The following NR2C1 variants were observed in gnomAD, a reference collection of about 807,000 sequenced individuals.
NR2C1 encodes TR2 nuclear hormone receptor.
A neutral mutation model predicts 74.8 loss-of-function variants in NR2C1; 33 were observed. The ratio of observed to expected loss-of-function variants is 0.44; its 90% CI spans 0.33 to 0.59. The LOEUF (loss-of-function observed/expected upper bound fraction) is 0.59. Ranked by LOEUF, NR2C1 falls within the 20% of genes least tolerant of loss-of-function variation. NR2C1 has a pLI of 0.02. For missense variants in NR2C1, 568 were observed against 715.6 expected (o/e 0.79, Z 2.35); for synonymous variants, 225 against 240.6 (o/e 0.94, Z 0.60).
At chr12:95,049,351 C>A in intron 8 of NR2C1, 118 bp from the exon 9 acceptor site, 1 of 967,614 alleles carries the variant, frequency 1.0e-6, no homozygotes, top group Admixed American at 2.5e-5. Flanking sequence ...TGGTCTAGAA[C>A]TCAAGTGATA....
chr12:95,029,747 C>T (rs1003093119), intron 11 of NR2C1, among the ~76,000 whole-genome samples: 5 of 151,670 alleles, frequency 3.3e-5, no homozygotes, highest in Admixed American at 1.3e-4. Context: ...TTAGTAGAGA[C>T]GGAGTTTCAC....
intron 10 of NR2C1, among the ~76,000 whole-genome samples, chr12:95,034,832 G>C (rs1255151063): frequency 1.3e-5 from 2 of 152,114 alleles, no homozygotes; most frequent in Non-Finnish European, 2.9e-5. Flanking sequence ...TTGATGTGTA[G>C]TAGGTTTGTG....
At chr12:95,030,045 T>A (rs751239349) in intron 11 of NR2C1, among the ~76,000 whole-genome samples, 3 of 152,152 alleles carry the variant, frequency 2.0e-5, no homozygotes, top group African/African-American at 7.2e-5. Flanking sequence ...AGCTAATTTT[T>A]AAAAAATTTC....
chr12:95,051,669 A>G, intron 8 of NR2C1, 93 bp downstream of exon 8: 1 of 1,141,892 alleles, frequency 8.8e-7, no homozygotes, highest in Non-Finnish European at 1.2e-6. Context: ...TGTTTTCTGA[A>G]ACTTTTATAA....
chr12:95,043,545 C>T lies in NR2C1; in HGVS notation c.1132-2948G>A, dbSNP rs540651270. On this transcript the variant is annotated intron_variant, in intron 9 of 13. Transcript: ENST00000333003. ...TCTACTAAAAATACAAAAAATTAGC[C>T]GGGCATGGCGGTGTGTGCCTGTAAT... Among the ~76,000 whole-genome samples, 370 of 151,692 alleles carry T rather than the reference C, an allele frequency of 2.4e-3. 1 individual carries two copies. The highest frequency in any genetic ancestry group is 8.4e-3 in the African/African-American group (349 of 41,334).
Position 95,059,207 on chromosome 12 carries a change from CAGG to C in NR2C1, c.364+696_364+698del, listed in dbSNP as rs1247223439. On this transcript the variant is annotated intron_variant, in intron 4 of 13. Transcript: ENST00000333003. ...GTCCCAGCTACTCAGAAGGCCGAGG[CAGG>C]AGAATTGCTTGAACCCAGGAGGCAG... Among the ~76,000 whole-genome samples, 5 of 150,940 alleles carry C rather than the reference CAGG, an allele frequency of 3.3e-5. No homozygotes were observed. The East Asian group carries it at 9.9e-4, about 30-fold the overall frequency.
chr12:95,050,496 A>G (rs1872832754), intron 8 of NR2C1, among the ~76,000 whole-genome samples: 1 of 151,954 alleles, frequency 6.6e-6, no homozygotes, highest in Non-Finnish European at 1.5e-5. Context: ...TTTAGTAGAG[A>G]TGGGGTTTCA....
chr12:95,027,641 C>T (rs1413395659), intron 12 of NR2C1, among the ~76,000 whole-genome samples: 4 of 151,984 alleles, frequency 2.6e-5, no homozygotes, highest in Non-Finnish European at 5.9e-5. Flanking sequence ...GAGGCTGAGG[C>T]AGGAGAATCG....
intron 7 of NR2C1, among the ~76,000 whole-genome samples, chr12:95,057,098 A>ATTTTTTTT (rs1184465413): frequency 2.7e-5 from 3 of 111,556 alleles, no homozygotes; most frequent in African/African-American, 6.9e-5. Flanking sequence ...AACATTTCTG[A>ATTTTTTTT]TTTTTTTTTT....
intron 9 of NR2C1, among the ~76,000 whole-genome samples, chr12:95,048,457 ACTG>A (rs780079193): frequency 1.3e-5 from 2 of 152,226 alleles, no homozygotes; most frequent in African/African-American, 4.8e-5. Context: ...AAACGCAATA[ACTG>A]CTATTATAAC....
chr12:95,065,969 A>T (rs1329252163), intron 2 of NR2C1, among the ~76,000 whole-genome samples: 1 of 150,912 alleles, frequency 6.6e-6, no homozygotes, highest in Non-Finnish European at 1.5e-5. Context: ...AAAAAAAATT[A>T]TTGACTATAG....
At chr12:95,047,026 C>A (rs2136143749) in intron 9 of NR2C1, among the ~76,000 whole-genome samples, 1 of 152,206 alleles carries the variant, frequency 6.6e-6, no homozygotes, top group Admixed American at 6.5e-5. Flanking sequence ...TTCTTCTGTC[C>A]AAAACATTTC....
intron 12 of NR2C1, 123 bp from the exon 13 acceptor site, chr12:95,025,378 G>A: frequency 3.5e-6 from 2 of 568,614 alleles, no homozygotes; most frequent in Non-Finnish European, 6.0e-6. Flanking sequence ...TGTGGCTCAG[G>A]CCGGGCATGG....
At chr12:95,032,098 C>A (rs146338539) in intron 10 of NR2C1, among the ~76,000 whole-genome samples, 1 of 152,210 alleles carries the variant, frequency 6.6e-6, no homozygotes, top group Non-Finnish European at 1.5e-5. Flanking sequence ...GAACTCCTGA[C>A]CTCAGCTGAT....
Position 95,021,803 on chromosome 12 carries a change from G to C in NR2C1, c.*426C>G, listed in dbSNP as rs1365204611. On this transcript the variant is annotated 3_prime_UTR_variant, in exon 14 of 14. Transcript: ENST00000333003. ...ATTAAACAAAAATTATTATGGCAGA[G>C]TAAAATGCAAGGAACTAACTCCTTA... 1 of 152,628 alleles carries C rather than the reference G, an allele frequency of 6.6e-6. No individual in the cohort carries two copies. Among genetic ancestry groups the C allele is most frequent in the African/African-American group, 2.4e-5 (1 of 41,458 alleles). The allele number at this position is 152,628 out of a possible 1,614,324, so 9.5% of individuals were successfully genotyped here.
chr12:95,029,673 C>G (rs1869817968), intron 11 of NR2C1, among the ~76,000 whole-genome samples: 1 of 151,462 alleles, frequency 6.6e-6, no homozygotes, highest in Non-Finnish European at 1.5e-5. Flanking sequence ...TTCTCTGCCT[C>G]AGCCTCCTGA....
At chr12:95,036,057 G>A (rs1870778568) in intron 10 of NR2C1, among the ~76,000 whole-genome samples, 1 of 152,182 alleles carries the variant, frequency 6.6e-6, no homozygotes, top group Non-Finnish European at 1.5e-5. Context: ...CAAGTGAAAT[G>A]CTAAAGTCAG....
intron 9 of NR2C1, 41 bp from the exon 10 acceptor site, chr12:95,040,638 A>G (rs990524007): frequency 1.3e-6 from 2 of 1,549,088 alleles, no homozygotes; most frequent in Non-Finnish European, 1.8e-6. Flanking sequence ...CTTATGACTG[A>G]AAAGTTCTAA....
intron 9 of NR2C1, 68 bp downstream of exon 9, chr12:95,049,000 T>C (rs137868400): frequency 5.7e-6 from 8 of 1,394,598 alleles, no homozygotes; most frequent in African/African-American, 1.4e-5. Context: ...AAACATACTT[T>C]GATTTTTGAA....
Sources: allele counts gnomAD v4.1 joint callset (sites outside exome capture counted in the v4.1 genomes callset), GRCh38; gene constraint gnomAD v4.1.1; transcripts MANE v1.5; gene names NCBI Gene and HGNC (gene_info 2026-07-23, HGNC 2026-07-21).